SMC5: variants seen among roughly 807,000 people sequenced by gnomAD.
SMC5 encodes structural maintenance of chromosomes 5, also known as structural maintenance of chromosomes protein 5.
SMC5 carries 88 observed loss-of-function variants against 148.3 expected under a neutral mutation model. That is an observed-to-expected ratio of 0.59 (90% CI 0.50 to 0.71). The LOEUF (loss-of-function observed/expected upper bound fraction) is 0.71. SMC5 is among the 30% of genes least tolerant of loss of function. SMC5 has a pLI of 0.00. For missense variants in SMC5, 1,142 were observed against 1,298.9 expected (o/e 0.88, Z 1.86); for synonymous variants, 421 against 432.8 (o/e 0.97, Z 0.34).
chr9:70,310,717 G>T (rs537931886), intron 11 of SMC5, among the ~76,000 whole-genome samples: 1 of 152,268 alleles, frequency 6.6e-6, no homozygotes, highest in African/African-American at 2.4e-5. Flanking sequence ...CCAATAGAAG[G>T]CTGTTGGTTC....
rs1463478194 is a variant in SMC5 at position 70,297,926 on chromosome 9, G to C, written c.1054-40G>C. Reference sequence around the variant, plus strand: ...CTACAGAAGTCTTATAAACCAAGAGGAAAACAGTCTCAAGTACTAACCTAC... The same window carrying C: ...CTACAGAAGTCTTATAAACCAAGAGCAAAACAGTCTCAAGTACTAACCTAC... On this transcript the variant is annotated intron_variant, in intron 8 of 24. Transcript: ENST00000361138. The C allele has an allele frequency of 3.2e-6, 5 of 1,578,346 alleles. No individual in the cohort carries two copies. The South Asian group carries it at 5.9e-5, about 19-fold the overall frequency.
At chr9:70,296,899 A>G (rs2035216852) in intron 8 of SMC5, among the ~76,000 whole-genome samples, 2 of 152,238 alleles carry the variant, frequency 1.3e-5, no homozygotes, top group Non-Finnish European at 1.5e-5. Flanking sequence ...GGTTATAAAA[A>G]TGTAATTTAC....
intron 3 of SMC5, among the ~76,000 whole-genome samples, chr9:70,274,126 G>T (rs935600552): frequency 3.3e-5 from 5 of 152,202 alleles, no homozygotes; most frequent in Non-Finnish European, 7.3e-5. Flanking sequence ...TAGTCGCCCA[G>T]GCTGGAGTGC....
intron 11 of SMC5, among the ~76,000 whole-genome samples, chr9:70,313,552 C>T (rs1024026232): frequency 6.6e-6 from 1 of 152,032 alleles, no homozygotes; most frequent in Non-Finnish European, 1.5e-5. Context: ...GGCTGGAGTG[C>T]AATGGCATGA....
chr9:70,326,667 T>C (rs1034542686), intron 17 of SMC5, among the ~76,000 whole-genome samples: 1 of 150,692 alleles, frequency 6.6e-6, no homozygotes, highest in Non-Finnish European at 1.5e-5. Context: ...GCTACACTCA[T>C]CTAAATAGAT....
chr9:70,278,687 GGAGA>G, intron 5 of SMC5, 62 bp downstream of exon 5: 1 of 1,491,832 alleles, frequency 6.7e-7, no homozygotes, highest in Non-Finnish European at 9.1e-7. Flanking sequence ...TCAGAACATG[GGAGA>G]GAGAGTAGTA....
intron 13 of SMC5, among the ~76,000 whole-genome samples, 186 bp downstream of exon 13, chr9:70,315,764 T>C (rs2035784742): frequency 1.3e-5 from 2 of 152,182 alleles, no homozygotes; most frequent in East Asian, 1.9e-4. Flanking sequence ...AACTAATACA[T>C]TGTGAGAGGA....
At chr9:70,264,229 A>G in intron 1 of SMC5, 75 bp from the exon 2 acceptor site, 1 of 1,308,038 alleles carries the variant, frequency 7.6e-7, no homozygotes, top group Non-Finnish European at 1.0e-6. Flanking sequence ...AATTTGAGGA[A>G]GCTCATAGAT....
intron 11 of SMC5, among the ~76,000 whole-genome samples, chr9:70,313,564 C>T (rs576320330): frequency 6.6e-6 from 1 of 152,150 alleles, no homozygotes; most frequent in Non-Finnish European, 1.5e-5. Context: ...ATGGCATGAT[C>T]TTGGCTAACT....
intron 9 of SMC5, among the ~76,000 whole-genome samples, chr9:70,299,805 T>G (rs2035310471): frequency 6.6e-6 from 1 of 151,924 alleles, no homozygotes; most frequent in African/African-American, 2.4e-5. Flanking sequence ...GTTTGTTTGT[T>G]TGTTTGTTTT....
intron 18 of SMC5, chr9:70,346,397 C>G: frequency 3.4e-6 from 2 of 594,134 alleles, no homozygotes; most frequent in Non-Finnish European, 3.0e-6. Flanking sequence ...AAACAATGTA[C>G]TGATTGCCTC....
At chr9:70,270,733 G>A (rs919042540) in intron 3 of SMC5, among the ~76,000 whole-genome samples, 1 of 137,856 alleles carries the variant, frequency 7.3e-6, no homozygotes, top group African/African-American at 2.8e-5. Flanking sequence ...TGCAACCTCT[G>A]TCTCCCGAGC....
chr9:70,344,093 C>T (rs2036597642), intron 17 of SMC5, 51 bp from the exon 18 acceptor site: 10 of 1,161,844 alleles, frequency 8.6e-6, no homozygotes, highest in Non-Finnish European at 1.2e-5. Flanking sequence ...ATAAAACATC[C>T]CTCTGCTTTA....
chr9:70,335,313 C>A (rs2036329361), intron 17 of SMC5, among the ~76,000 whole-genome samples: 3 of 152,086 alleles, frequency 2.0e-5, no homozygotes, highest in Admixed American at 1.3e-4. Flanking sequence ...CATAGCAAGA[C>A]CCTGTTTCTA....
intron 7 of SMC5, 44 bp downstream of exon 7, chr9:70,282,627 G>T (rs1206670673): frequency 1.3e-6 from 2 of 1,504,474 alleles, no homozygotes; most frequent in Non-Finnish European, 1.8e-6. Flanking sequence ...TTTTATTTTA[G>T]CAAATATAAA....
In SMC5 at chr9:70,259,010, G is replaced by T. The variant is rs2034002675; in HGVS notation, c.-69G>T. ...GCGGGAGCGGGGCGCCTGGGTGGAT[G>T]GGCGCTTGGGCGCCTGGGCTGCCGG... On this transcript the variant is annotated 5_prime_UTR_variant, in exon 1 of 25. It removes an upstream start codon present in the reference 5' UTR. Coordinates refer to ENST00000361138, the MANE Select transcript of SMC5 (RefSeq NM_015110.4). 2.0e-6 allele frequency: 3 copies of T among 1,482,516 alleles called. No homozygotes were observed. Among genetic ancestry groups the T allele is most frequent in the Non-Finnish European group, 2.7e-6 (3 of 1,113,452 alleles). The allele number at this position is 1,482,516 out of a possible 1,614,324, so 91.8% of individuals were successfully genotyped here.
At chr9:70,337,608 G>A (rs931753036) in intron 17 of SMC5, among the ~76,000 whole-genome samples, 14 of 151,854 alleles carry the variant, frequency 9.2e-5, no homozygotes, top group African/African-American at 2.4e-4. Context: ...GGCGAGCGCC[G>A]CCACACCCTG....
intron 13 of SMC5, among the ~76,000 whole-genome samples, chr9:70,318,218 C>T (rs1342999645): frequency 6.6e-6 from 1 of 152,064 alleles, no homozygotes; most frequent in Non-Finnish European, 1.5e-5. Context: ...AAAACTCCAT[C>T]TCTACAAAAA....
rs1210272769 is a variant in SMC5 at position 70,350,133 on chromosome 9, G to C, written c.2909G>C (p.Gly970Ala). ...TTATAGGAAGATTATGATAAATATGGAATTCGAATTAGAGTCAAATTTCGA... is the reference window on the plus strand; with the variant it reads ...TTATAGGAAGATTATGATAAATATGCAATTCGAATTAGAGTCAAATTTCGA... The part of the protein sequence containing the change: ...TENEEDYDKY[G>A]IRIRVKFRSS... Residue 970 changes from glycine to alanine, a missense_variant, in exon 23 of 25, where the codon GGA becomes GCA. By Grantham distance (60) the Gly-to-Ala change is moderately conservative. Around this residue, in one of 5 missense-constraint regions of SMC5, gnomAD observed 743 missense variants for 835.7 expected, o/e 0.89. Transcript: ENST00000361138. 1 of 1,604,748 alleles carries C rather than the reference G, an allele frequency of 6.2e-7. No homozygotes were observed. The highest frequency in any genetic ancestry group is 8.5e-7 in the Non-Finnish European group (1 of 1,175,748).
Sources: gnomAD v4.1 joint callset for allele counts (sites outside exome capture counted in the v4.1 genomes callset) on GRCh38, gnomAD v4.1.1 for gene constraint, gnomAD v4.1.1 regional missense constraint, MANE v1.5 for transcripts, NCBI Gene and HGNC (gene_info 2026-07-23, HGNC 2026-07-21) for gene names.